Variants in GRID2 observed in about 807,000 individuals in gnomAD.
GRID2 encodes the protein glutamate receptor ionotropic, delta-2.
A neutral mutation model predicts 114.8 loss-of-function variants in GRID2; 33 were observed. The observed-to-expected ratio is 0.29, with a 90% CI of 0.22 to 0.38. GRID2 has a LOEUF of 0.38. Among genes scored for constraint, GRID2 ranks in the 10% least tolerant of loss-of-function variants. GRID2 has a pLI of 1.00. For synonymous variants in GRID2, 505 were observed against 449.9 expected (o/e 1.12, Z -1.55); for missense variants, 1,184 against 1,257.7 (o/e 0.94, Z 0.89).
intron 8 of GRID2, among the ~76,000 whole-genome samples, chr4:93,327,751 G>T (rs186247060): frequency 3.3e-5 from 5 of 151,602 alleles, no homozygotes; most frequent in Non-Finnish European, 7.4e-5. Flanking sequence ...GGGGTCAAGT[G>T]GGGGGATGAT....
chr4:92,451,951 G>A (rs1343209049), intron 1 of GRID2, among the ~76,000 whole-genome samples: 1 of 152,138 alleles, frequency 6.6e-6, no homozygotes, highest in Non-Finnish European at 1.5e-5. Context: ...CTTGTGATTT[G>A]GCTTTCTCCA....
intron 2 of GRID2, among the ~76,000 whole-genome samples, chr4:92,738,157 G>T (rs1736694167): frequency 6.6e-6 from 1 of 152,086 alleles, no homozygotes; most frequent in Non-Finnish European, 1.5e-5. Context: ...GTTTTGATTT[G>T]CATTTTTCTG....
intron 2 of GRID2, among the ~76,000 whole-genome samples, chr4:92,905,288 T>C (rs1359406150): frequency 1.3e-5 from 2 of 152,054 alleles, no homozygotes; most frequent in Admixed American, 6.6e-5. Context: ...ATTGAATAAA[T>C]TAATTCCACA....
chr4:93,707,227 G>A (rs556677649), intron 14 of GRID2, among the ~76,000 whole-genome samples: 26 of 152,078 alleles, frequency 1.7e-4, no homozygotes, highest in African/African-American at 6.3e-4. Context: ...AGAATAAGTT[G>A]GGATGTATTC....
intron 1 of GRID2, among the ~76,000 whole-genome samples, chr4:93,791,717 C>T (rs1734697365): frequency 6.6e-6 from 1 of 152,040 alleles, no homozygotes; most frequent in Non-Finnish European, 1.5e-5. Context: ...AAATGCTCAC[C>T]AGGAAAGAAA....
intron 4 of GRID2, among the ~76,000 whole-genome samples, chr4:93,127,227 A>G (rs1734358506): frequency 6.6e-6 from 1 of 152,196 alleles, no homozygotes; most frequent in Admixed American, 6.5e-5. Context: ...CATGTTCATC[A>G]TGAAATGCAT....
chr4:92,463,567 A>T (rs1046314929), intron 1 of GRID2, among the ~76,000 whole-genome samples: 2 of 151,996 alleles, frequency 1.3e-5, no homozygotes, highest in Non-Finnish European at 1.5e-5. Flanking sequence ...TTTCAGATAA[A>T]TCTGTATATT....
At chr4:92,736,510 A>G (rs79483628) in intron 2 of GRID2, among the ~76,000 whole-genome samples, 1,789 of 152,236 alleles carry the variant, frequency 0.012, 27 homozygotes, top group African/African-American at 0.041. Context: ...CCAAAAGGAT[A>G]TACTCATGAA....
chr4:92,428,779 C>G (rs1250799612), intron 1 of GRID2, among the ~76,000 whole-genome samples: 2 of 152,040 alleles, frequency 1.3e-5, no homozygotes, highest in East Asian at 3.9e-4. Context: ...GATAGTTAAA[C>G]TAGTATTTTT....
At chr4:92,924,694 A>C (rs1191846214) in intron 2 of GRID2, among the ~76,000 whole-genome samples, 1 of 152,174 alleles carries the variant, frequency 6.6e-6, no homozygotes. Flanking sequence ...GCATGACAAC[A>C]TATGCCATGT....
chr4:93,328,688 T>G (rs908193220), intron 8 of GRID2, among the ~76,000 whole-genome samples: 3 of 148,962 alleles, frequency 2.0e-5, no homozygotes, highest in Non-Finnish European at 4.5e-5. Flanking sequence ...ATTAAGTGCA[T>G]GGATGGATGG....
intron 2 of GRID2, among the ~76,000 whole-genome samples, chr4:92,744,888 C>T (rs1348628258): frequency 6.6e-6 from 1 of 152,100 alleles, no homozygotes; most frequent in Non-Finnish European, 1.5e-5. Context: ...GGCGTTCTGT[C>T]TGGGTACAGT....
intron 8 of GRID2, among the ~76,000 whole-genome samples, chr4:93,322,950 T>C (rs963737740): frequency 2.0e-5 from 3 of 152,170 alleles, no homozygotes; most frequent in Non-Finnish European, 4.4e-5. Context: ...ATATAAGCCC[T>C]TTGTCAGATG....
chr4:93,517,951 G>GTATATGTATGTATATACTA (rs1560706057), intron 13 of GRID2, among the ~76,000 whole-genome samples: 11 of 32,718 alleles, frequency 3.4e-4, no homozygotes, highest in African/African-American at 1.1e-3. Flanking sequence ...ATACATACAT[G>GTATATGTATGTATATACTA]TATATGTATG....
At chr4:92,403,999 A>T (rs977439261) in intron 1 of GRID2, among the ~76,000 whole-genome samples, 6 of 152,190 alleles carry the variant, frequency 3.9e-5, no homozygotes, top group African/African-American at 1.4e-4. Flanking sequence ...TCACAGATTA[A>T]CATAATAATG....
intron 2 of GRID2, among the ~76,000 whole-genome samples, chr4:92,818,727 A>G (rs1180240383): frequency 6.6e-6 from 1 of 152,070 alleles, no homozygotes; most frequent in Non-Finnish European, 1.5e-5. Flanking sequence ...TTCATACTTC[A>G]TGTCTCTTCT....
chr4:93,682,682 C>CA (rs1473044710), intron 14 of GRID2, among the ~76,000 whole-genome samples: 2 of 148,434 alleles, frequency 1.3e-5, no homozygotes, highest in African/African-American at 2.5e-5. Flanking sequence ...ATTGCAAAGA[C>CA]AAAAAACCAA....
In GRID2 at chr4:92,773,627, TA is replaced by T. The variant is rs1001235280; in HGVS notation, c.244+183347del. Among the ~76,000 whole-genome samples the T allele has an allele frequency of 3.6e-4, 54 of 152,082 alleles. No individual in the cohort carries two copies. In the East Asian group the frequency reaches 5.2e-3, roughly 15 times the overall value. On this transcript the variant is annotated intron_variant, in intron 2 of 15. Coordinates refer to ENST00000282020, the MANE Select transcript of GRID2 (RefSeq NM_001510.4). Reference sequence around the variant, plus strand: ...ATGTATAATGTTATCAAATATTATATAAAAAATAGTTAATACCATAAATTTA... The same window carrying T: ...ATGTATAATGTTATCAAATATTATATAAAAATAGTTAATACCATAAATTTA...
At chr4:93,526,871 C>T (rs947078571) in intron 13 of GRID2, among the ~76,000 whole-genome samples, 3 of 151,980 alleles carry the variant, frequency 2.0e-5, no homozygotes, top group Admixed American at 6.6e-5. Context: ...ATCACACATA[C>T]GCAAATAGTC....
Sources: gnomAD v4.1 joint callset for allele counts (sites outside exome capture counted in the v4.1 genomes callset) on GRCh38, gnomAD v4.1.1 for gene constraint, MANE v1.5 for transcripts, NCBI Gene and HGNC (gene_info 2026-07-23, HGNC 2026-07-21) for gene names.